Variants in GPC6 observed in about 807,000 individuals in gnomAD.
The protein encoded by GPC6 is glypican 6.
GPC6 carries 14 observed loss-of-function variants against 55.2 expected under a neutral mutation model. The ratio of observed to expected loss-of-function variants is 0.25; its 90% confidence interval spans 0.17 to 0.40. The LOEUF (loss-of-function observed/expected upper bound fraction) is 0.40, where lower values mean the gene tolerates loss of function less well. GPC6 is among the 10% of genes least tolerant of loss of function. The pLI is 1.00. For missense variants in GPC6, 641 were observed against 708.5 expected, an observed-to-expected ratio of 0.90 and a Z score of 1.08; for synonymous variants, 278 against 259.6, an observed-to-expected ratio of 1.07 and a Z score of -0.68.
At chr13:93,742,091 T>C (rs148862395) in intron 2 of GPC6, among the ~76,000 whole-genome samples, 29 of 152,314 alleles carry the variant, frequency 1.9e-4, no homozygotes, top group African/African-American at 6.7e-4. Context: ...GATTGTTTTA[T>C]AAGAAAGAAC....
intron 2 of GPC6, among the ~76,000 whole-genome samples, chr13:93,633,533 G>A (rs1879562223): frequency 6.6e-6 from 1 of 152,000 alleles, no homozygotes; most frequent in Non-Finnish European, 1.5e-5. Flanking sequence ...CTACTCTGGA[G>A]GCTGAGGCAG....
intron 4 of GPC6, among the ~76,000 whole-genome samples, chr13:94,266,634 C>G (rs988703366): frequency 6.6e-6 from 1 of 152,236 alleles, no homozygotes; most frequent in South Asian, 2.1e-4. Context: ...TCCCCTTTCC[C>G]TGCCCGGACT....
chr13:93,826,670 C>T (rs1887267291), intron 2 of GPC6, among the ~76,000 whole-genome samples: 1 of 152,084 alleles, frequency 6.6e-6, no homozygotes, highest in Admixed American at 6.6e-5. Context: ...CTGTAGAGAG[C>T]CTCTTGTCTG....
chr13:94,284,429 G>A lies in GPC6; in HGVS notation c.878-1920G>A, dbSNP rs1472931933. 2.0e-5 allele frequency among the ~76,000 whole-genome samples: 3 copies of A among 151,424 alleles called. 1 individual carries two copies. The highest frequency in any genetic ancestry group is 7.3e-5 in the African/African-American group (3 of 41,102). On this transcript the variant is annotated intron_variant, in intron 4 of 8. Coordinates refer to ENST00000377047, the MANE Select transcript of GPC6 (RefSeq NM_005708.5). Reference sequence around the variant, plus strand: ...ACAAAATGGGGAACTGGGGATGGGGGTTATTATATCATATGAATACATGTA... The same window carrying A: ...ACAAAATGGGGAACTGGGGATGGGGATTATTATATCATATGAATACATGTA...
At chr13:93,772,960 T>C (rs1188119336) in intron 2 of GPC6, among the ~76,000 whole-genome samples, 3 of 152,112 alleles carry the variant, frequency 2.0e-5, no homozygotes, top group Non-Finnish European at 4.4e-5. Flanking sequence ...AAACCAGAAT[T>C]CTTTCTACTC....
In GPC6 at chr13:93,688,595, G is replaced by A. The variant is rs189027368; in HGVS notation, c.320-141559G>A. 8.8e-3 allele frequency among the ~76,000 whole-genome samples: 1,342 copies of A among 152,010 alleles called. 8 individuals are homozygous for A. The highest frequency in any genetic ancestry group is 0.016 in the Non-Finnish European group (1,062 of 67,902). ...GAGAAATATGATTCAGCTATAAAAA[G>A]GCAGGAAATTATGACAACATCCTAC... On this transcript the variant is annotated intron_variant, in intron 2 of 8. Coordinates refer to ENST00000377047, the MANE Select transcript of GPC6 (RefSeq NM_005708.5).
At chr13:93,927,845 T>A (rs1367402660) in intron 3 of GPC6, among the ~76,000 whole-genome samples, 2 of 152,168 alleles carry the variant, frequency 1.3e-5, no homozygotes, top group African/African-American at 4.8e-5. Flanking sequence ...CATTAGCATA[T>A]TTTTTCTTAC....
intron 6 of GPC6, among the ~76,000 whole-genome samples, chr13:94,351,290 C>T (rs964651276): frequency 2.0e-5 from 3 of 152,036 alleles, no homozygotes; most frequent in Non-Finnish European, 4.4e-5. Flanking sequence ...GGACAGAGAA[C>T]CACGGTGATC....
At chr13:93,426,347 T>G (rs1877125490) in intron 1 of GPC6, among the ~76,000 whole-genome samples, 1 of 151,880 alleles carries the variant, frequency 6.6e-6, no homozygotes, top group Non-Finnish European at 1.5e-5. Context: ...TAACTCGTCA[T>G]CTAGCATTAG....
intron 1 of GPC6, among the ~76,000 whole-genome samples, chr13:93,263,631 C>G (rs1877226378): frequency 6.6e-6 from 1 of 152,162 alleles, no homozygotes; most frequent in South Asian, 2.1e-4. Flanking sequence ...TCCCAAAGTG[C>G]TGGGATTACA....
At chr13:93,373,863 T>C (rs1275849028) in intron 1 of GPC6, among the ~76,000 whole-genome samples, 1 of 152,212 alleles carries the variant, frequency 6.6e-6, no homozygotes, top group Non-Finnish European at 1.5e-5. Flanking sequence ...TCTTTTAATA[T>C]AACTCAGTAA....
At chr13:94,283,680 G>A (rs1394587779) in intron 4 of GPC6, among the ~76,000 whole-genome samples, 1 of 152,166 alleles carries the variant, frequency 6.6e-6, no homozygotes, top group Admixed American at 6.5e-5. Flanking sequence ...ATTACATACT[G>A]CTTTAGGGAG....
chr13:93,385,809 T>G lies in GPC6; in HGVS notation c.160+158193T>G, dbSNP rs144876008. Among the ~76,000 whole-genome samples, 681 of 152,110 alleles carry G rather than the reference T, an allele frequency of 4.5e-3. 4 individuals are homozygous for G. Among genetic ancestry groups the G allele is most frequent in the African/African-American group, 0.015 (643 of 41,538 alleles). On this transcript the variant is annotated intron_variant, in intron 1 of 8. Coordinates refer to ENST00000377047, the MANE Select transcript of GPC6 (RefSeq NM_005708.5). ...AAGTAAAATATAATTTTATATTATATTGTAATTTATATAGTTGCCATTTTG... is the reference window on the plus strand; with the variant it reads ...AAGTAAAATATAATTTTATATTATAGTGTAATTTATATAGTTGCCATTTTG...
intron 1 of GPC6, among the ~76,000 whole-genome samples, chr13:93,428,086 C>T (rs1026964009): frequency 2.0e-5 from 3 of 152,052 alleles, no homozygotes; most frequent in African/African-American, 7.2e-5. Context: ...CTCGTACCAT[C>T]CTAGTTTTTG....
At chr13:93,905,466 C>A (rs753185250) in intron 3 of GPC6, among the ~76,000 whole-genome samples, 3 of 152,082 alleles carry the variant, frequency 2.0e-5, no homozygotes, top group Non-Finnish European at 4.4e-5. Context: ...AAGGCTGGCA[C>A]AAGTTACAAT....
rs779853988 is a variant in GPC6 at position 94,398,640 on chromosome 13, A to G, written c.1464A>G (p.Thr488=). 58 of 1,613,740 alleles carry G rather than the reference A, an allele frequency of 3.6e-5. No homozygotes were observed. The highest frequency in any genetic ancestry group is 1.6e-4 in the Middle Eastern group (1 of 6,084). Residue 488 remains threonine, a splice_region_variant and synonymous_variant, in exon 8 of 9, where the codon ACA becomes ACG. Coordinates refer to ENST00000377047, the MANE Select transcript of GPC6 (RefSeq NM_005708.5). The part of the protein sequence containing the change: ...YNGNDVNFQD[T]SDESSGSGSG... ...GCAATGATGTCAATTTCCAGGACAC[A>G]AGTAAGAAAATCCTTCCCAGCACCA...
At chr13:93,538,685 A>G (rs1013624058) in intron 1 of GPC6, among the ~76,000 whole-genome samples, 1 of 152,204 alleles carries the variant, frequency 6.6e-6, no homozygotes, top group Non-Finnish European at 1.5e-5. Context: ...ACAGAAAAAC[A>G]TCAAGCAAAG....
At chr13:93,343,111 A>C (rs1181003212) in intron 1 of GPC6, among the ~76,000 whole-genome samples, 1 of 152,128 alleles carries the variant, frequency 6.6e-6, no homozygotes, top group Non-Finnish European at 1.5e-5. Context: ...TAGTAATGGG[A>C]AATAATGACA....
At chr13:94,171,945 T>G (rs1566497189) in intron 4 of GPC6, among the ~76,000 whole-genome samples, 1 of 152,190 alleles carries the variant, frequency 6.6e-6, no homozygotes, top group Non-Finnish European at 1.5e-5. Context: ...GTGAAGCCCA[T>G]AAACAATTGT....
Sources: gnomAD v4.1 joint callset for allele counts (sites outside exome capture counted in the v4.1 genomes callset) on GRCh38, gnomAD v4.1.1 for gene constraint, MANE v1.5 for transcripts, NCBI Gene and HGNC (gene_info 2026-07-23, HGNC 2026-07-21) for gene names.